Variants in SHISA6 observed in about 807,000 individuals in gnomAD.
SHISA6 encodes shisa family member 6, also known as protein shisa-6.
In SHISA6, 22 loss-of-function variants were observed where a neutral mutation model predicts 47.9. The observed-to-expected ratio is 0.46, with a 90% CI of 0.33 to 0.66. The LOEUF (loss-of-function observed/expected upper bound fraction) is 0.66, where lower values mean the gene tolerates loss of function less well. Ranked by LOEUF, SHISA6 falls within the 30% of genes least tolerant of loss-of-function variation. The probability of loss-of-function intolerance (pLI) is 0.02; values close to 1 mark genes in which losing one functional copy is unlikely to be tolerated. For synonymous variants in SHISA6, 388 were observed against 337.8 expected, an observed-to-expected ratio of 1.15 and a Z score of -1.63; for missense variants, 680 against 764.6, an observed-to-expected ratio of 0.89 and a Z score of 1.30.
Position 11,560,725 on chromosome 17 carries a change from C to CT in SHISA6, c.*2422dup, listed in dbSNP as rs1324259546. The CT allele has an allele frequency of 2.0e-5, 3 of 152,228 alleles. No individual in the cohort carries two copies. Among genetic ancestry groups the CT allele is most frequent in the African/African-American group, 7.2e-5 (3 of 41,442 alleles). 9.4% of individuals were successfully genotyped at this position (152,228 alleles called of 1,614,324 possible). ...CAGGGGTCCTCCCCAAGCCCTGTCT[C>CT]TGACAGGGTTTCTGTCTCTCTCAGG... On this transcript the variant is annotated 3_prime_UTR_variant, in exon 6 of 6. Coordinates refer to ENST00000441885, the MANE Select transcript of SHISA6 (RefSeq NM_207386.4).
intron 3 of SHISA6, among the ~76,000 whole-genome samples, chr17:11,419,545 T>C (rs1914392341): frequency 6.6e-6 from 1 of 152,154 alleles, no homozygotes; most frequent in Non-Finnish European, 1.5e-5. Context: ...CGTTAGGAGT[T>C]TAGGCAGGCA....
intron 3 of SHISA6, among the ~76,000 whole-genome samples, chr17:11,394,764 ATT>A (rs1299380115): frequency 6.6e-6 from 1 of 151,942 alleles, no homozygotes; most frequent in Non-Finnish European, 1.5e-5. Flanking sequence ...TACCCTTCGA[ATT>A]TTCCAAATTT....
intron 3 of SHISA6, among the ~76,000 whole-genome samples, chr17:11,497,837 C>A (rs1193823167): frequency 6.6e-6 from 1 of 152,174 alleles, no homozygotes; most frequent in African/African-American, 2.4e-5. Flanking sequence ...CTCCTCACCC[C>A]CCAGGCTTGC....
chr17:11,288,160 A>G lies in SHISA6; in HGVS notation c.799+24634A>G, dbSNP rs1341089309. 2.0e-5 allele frequency: 3 copies of G among 152,368 alleles called. No individual in the cohort carries two copies. The East Asian group carries it at 5.8e-4, about 29-fold the overall frequency. The allele number at this position is 152,368 out of a possible 1,614,324, so 9.4% of individuals were successfully genotyped here. A position where few individuals can be genotyped will look rare whatever the true frequency, so the allele number is the denominator to read the frequency against. ...CTTTAAAAAATCCATCCACAATGCC[A>G]TTGTCTCACTTAAATAAATGATCAA... On this transcript the variant is annotated intron_variant, in intron 2 of 5. Transcript: ENST00000441885.
intron 3 of SHISA6, among the ~76,000 whole-genome samples, chr17:11,427,607 T>C (rs1914643235): frequency 6.6e-6 from 1 of 152,118 alleles, no homozygotes; most frequent in African/African-American, 2.4e-5. Flanking sequence ...TCAAGTTAAT[T>C]AACTAATTAG....
intron 3 of SHISA6, among the ~76,000 whole-genome samples, chr17:11,527,897 C>T (rs1567630127): frequency 6.6e-6 from 1 of 152,302 alleles, no homozygotes; most frequent in Admixed American, 6.5e-5. Context: ...TATTCACTTA[C>T]ACAAAATCTC....
chr17:11,545,705 T>C (rs554839239), intron 3 of SHISA6, among the ~76,000 whole-genome samples: 1 of 152,212 alleles, frequency 6.6e-6, no homozygotes, highest in Admixed American at 6.5e-5. Context: ...TTGTTTCAGG[T>C]AGGACAGCTA....
At chr17:11,548,094 C>A (rs981447587) in intron 3 of SHISA6, among the ~76,000 whole-genome samples, 1 of 152,102 alleles carries the variant, frequency 6.6e-6, no homozygotes, top group African/African-American at 2.4e-5. Context: ...CTGTTAGCTA[C>A]GCAACATTCG....
rs182009088 is a variant in SHISA6, at chr17:11,507,641, C to A, written c.896-44255C>A. Among the ~76,000 whole-genome samples, 824 of 152,290 alleles carry A rather than the reference C, an allele frequency of 5.4e-3. 5 individuals are homozygous for A. Among genetic ancestry groups the A allele is most frequent in the African/African-American group, 0.018 (766 of 41,568 alleles). On this transcript the variant is annotated intron_variant, in intron 3 of 5. Transcript: ENST00000441885. ...TACAGTCCAGAAGAGGTCTTCCCAC[C>A]TCTCCAACATTATTACTTGAGAAGA...
At chr17:11,544,989 A>G (rs2071871245) in intron 3 of SHISA6, among the ~76,000 whole-genome samples, 1 of 151,254 alleles carries the variant, frequency 6.6e-6, no homozygotes, top group Non-Finnish European at 1.5e-5. Flanking sequence ...AAAATTAAAT[A>G]TGCAACTACC....
intron 3 of SHISA6, among the ~76,000 whole-genome samples, chr17:11,479,656 TAATAA>T (rs1916164146): frequency 6.6e-6 from 1 of 152,056 alleles, no homozygotes; most frequent in Non-Finnish European, 1.5e-5. Flanking sequence ...GAAAAAATAA[TAATAA>T]AATAATTTTA....
chr17:11,399,293 C>A (rs1913683390), intron 3 of SHISA6, among the ~76,000 whole-genome samples: 1 of 152,130 alleles, frequency 6.6e-6, no homozygotes, highest in Non-Finnish European at 1.5e-5. Context: ...CCCTGAATTG[C>A]CACCAAGTGT....
At chr17:11,400,944 C>G (rs1311882921) in intron 3 of SHISA6, among the ~76,000 whole-genome samples, 2 of 152,172 alleles carry the variant, frequency 1.3e-5, no homozygotes, top group African/African-American at 2.4e-5. Context: ...TTCTCCACAC[C>G]TGAATCCTGG....
chr17:11,461,567 G>A (rs1338556034), intron 3 of SHISA6, among the ~76,000 whole-genome samples: 1 of 152,190 alleles, frequency 6.6e-6, no homozygotes, highest in Non-Finnish European at 1.5e-5. Flanking sequence ...TAGGACAAGA[G>A]GCAGAGGGAG....
rs553151576 is a variant in SHISA6 at position 11,275,907 on chromosome 17, A to T, written c.799+12381A>T. Reference sequence around the variant, plus strand: ...AGTTCTTGTAGGGCTTATAGCGAGTAGAGATATGATCTGACATGTGGTTTT... The same window carrying T: ...AGTTCTTGTAGGGCTTATAGCGAGTTGAGATATGATCTGACATGTGGTTTT... On this transcript the variant is annotated intron_variant, in intron 2 of 5. Transcript: ENST00000441885. Among the ~76,000 whole-genome samples, 3 of 152,236 alleles carry T rather than the reference A, an allele frequency of 2.0e-5. No individual in the cohort carries two copies. In the South Asian group the frequency reaches 6.2e-4, roughly 32 times the overall value.
At chr17:11,354,306 A>G (rs1444008465) in intron 2 of SHISA6, among the ~76,000 whole-genome samples, 1 of 152,100 alleles carries the variant, frequency 6.6e-6, no homozygotes, top group African/African-American at 2.4e-5. Context: ...AAAACTCTCT[A>G]GTTGTGCCCA....
chr17:11,251,559 A>G (rs753843991), intron 1 of SHISA6, among the ~76,000 whole-genome samples: 1 of 151,938 alleles, frequency 6.6e-6, no homozygotes, highest in South Asian at 2.1e-4. Context: ...GGACCTAGGG[A>G]TATTTCTAGT....
Position 11,241,396 on chromosome 17 carries a change from C to A in SHISA6, c.-27C>A. On this transcript the variant is annotated 5_prime_UTR_variant, in exon 1 of 6. Transcript: ENST00000441885. This position sits in a 1 kb window ranked among gnomAD's most constrained non-coding sequence, Gnocchi z 5.5. ...GGGGAGCGGCCTGCCGCGGAAGCCT[C>A]CCCGCGCCCTCCCGCCCGGCCCCGC... The A allele has an allele frequency of 9.1e-7, 1 of 1,093,344 alleles. No individual in the cohort carries two copies. The highest frequency in any genetic ancestry group is 2.8e-5 in the South Asian group (1 of 36,042). The allele number at this position is 1,093,344 out of a possible 1,614,324, so 67.7% of individuals were successfully genotyped here.
At chr17:11,262,245 G>C (rs1000859534) in intron 1 of SHISA6, among the ~76,000 whole-genome samples, 1 of 152,212 alleles carries the variant, frequency 6.6e-6, no homozygotes, top group Non-Finnish European at 1.5e-5. Context: ...TTTTCATGGG[G>C]GCAGAGTGTT....
Sources: gnomAD v4.1 joint callset for allele counts (sites outside exome capture counted in the v4.1 genomes callset) on GRCh38, gnomAD v4.1.1 for gene constraint, Gnocchi (gnomAD v3.1) non-coding constraint, MANE v1.5 for transcripts, NCBI Gene and HGNC (gene_info 2026-07-23, HGNC 2026-07-21) for gene names.